C1orf105: variants seen among roughly 807,000 people sequenced by gnomAD.
The protein encoded by C1orf105 is chromosome 1 open reading frame 105.
In C1orf105, 17 loss-of-function variants were observed where a neutral mutation model predicts 20.8. That is an observed-to-expected ratio of 0.82 (90% CI 0.56 to 1.23). C1orf105 has a LOEUF of 1.23. Ranked by LOEUF, C1orf105 falls within the 50% of genes most tolerant of loss-of-function variation. C1orf105 has a pLI of 0.00. For missense variants in C1orf105, 219 were observed against 213.5 expected (o/e 1.03, Z -0.16); for synonymous variants, 72 against 72.1 (o/e 1.00, Z 0.01).
intron 4 of C1orf105, among the ~76,000 whole-genome samples, chr1:172,458,952 T>C (rs1649502198): frequency 6.6e-6 from 1 of 152,172 alleles, no homozygotes; most frequent in Non-Finnish European, 1.5e-5. Flanking sequence ...GAAAGAATAG[T>C]ATTTTCAATA....
intron 5 of C1orf105, among the ~76,000 whole-genome samples, chr1:172,464,681 C>A (rs1479477589): frequency 6.6e-6 from 1 of 150,434 alleles, no homozygotes; most frequent in South Asian, 2.1e-4. Flanking sequence ...GAACTCTTTC[C>A]TTTATTCCTC....
Position 172,448,531 on chromosome 1 carries a change from G to T in C1orf105, c.198G>T (p.Lys66Asn). 1.3e-6 allele frequency: 2 copies of T among 1,594,464 alleles called. No homozygotes were observed. Among genetic ancestry groups the T allele is most frequent in the Middle Eastern group, 3.3e-4 (2 of 6,032 alleles). ...ILFQVPDVLS[K>N]ARRNQCDSML... ...TTCAAGTTCCAGATGTTTTATCTAA[G>T]GTACTAAAAAATTTTTGTTGAAATG... The change falls in exon 3 of 7, where the codon AAG becomes AAT. Residue 66 changes from lysine to asparagine, a missense_variant and splice_region_variant. Physicochemically the swap from Lys to Asn is moderately conservative, Grantham distance 94 (BLOSUM62 0). Coordinates refer to ENST00000367727, the MANE Select transcript of C1orf105 (RefSeq NM_139240.4).
chr1:172,446,115 C>T (rs574209720), intron 2 of C1orf105, among the ~76,000 whole-genome samples: 54 of 152,128 alleles, frequency 3.5e-4, no homozygotes, highest in South Asian at 6.2e-4. Context: ...AATAGGTAGA[C>T]GGTTTTAGTA....
chr1:172,428,439 C>T (rs1414706620), intron 1 of C1orf105, among the ~76,000 whole-genome samples: 1 of 152,124 alleles, frequency 6.6e-6, no homozygotes, highest in Non-Finnish European at 1.5e-5. Context: ...CCCACGTTAC[C>T]TCTACGACTT....
At chr1:172,432,036 G>A (rs2071889691) in intron 1 of C1orf105, among the ~76,000 whole-genome samples, 1 of 152,230 alleles carries the variant, frequency 6.6e-6, no homozygotes, top group Admixed American at 6.5e-5. Flanking sequence ...CTGGCTGGGG[G>A]AGGGGCGTCC....
chr1:172,422,943 G>A (rs970718240), intron 1 of C1orf105, among the ~76,000 whole-genome samples: 34 of 152,218 alleles, frequency 2.2e-4, no homozygotes, highest in African/African-American at 7.7e-4. Context: ...TCAGTGGTTC[G>A]GGTGCCAGGT....
In C1orf105 at chr1:172,424,229, G is replaced by A. The variant is rs375670854; in HGVS notation, c.21+3323G>A. Among the ~76,000 whole-genome samples, 12 of 152,306 alleles carry A rather than the reference G, an allele frequency of 7.9e-5. No homozygotes were observed. The East Asian group carries it at 1.9e-3, about 24-fold the overall frequency. ...ATAATAAAGAAAGCCTAAGCAAGCCGCAGAAGACCAAAGAGACTTAAGGAT... is the reference window on the plus strand; with the variant it reads ...ATAATAAAGAAAGCCTAAGCAAGCCACAGAAGACCAAAGAGACTTAAGGAT... On this transcript the variant is annotated intron_variant, in intron 1 of 6. Coordinates refer to ENST00000367727, the MANE Select transcript of C1orf105 (RefSeq NM_139240.4).
chr1:172,424,857 TAA>T (rs950977042), intron 1 of C1orf105, among the ~76,000 whole-genome samples: 3 of 152,082 alleles, frequency 2.0e-5, no homozygotes, highest in Non-Finnish European at 2.9e-5. Flanking sequence ...TTTTGCAACT[TAA>T]AAAGAGTGTG....
In C1orf105 at chr1:172,456,428, AGT is replaced by A. The variant is rs1649257491; in HGVS notation, c.216_217del (p.Cys72Ter). The A allele has an allele frequency of 6.2e-7, 1 of 1,613,146 alleles. No individual in the cohort carries two copies. On this transcript the variant is annotated frameshift_variant, in exon 4 of 7. Transcript: ENST00000367727. LOFTEE classifies it high-confidence loss of function. The stretch of plus-strand genomic sequence containing the variant: ...CTTTCCCCTCAGGCCAGGAGGAACC[AGT>A]GTGACTCCATGCTGCTCAGAAACCA...
chr1:172,446,988 A>C (rs1648087561), intron 2 of C1orf105, among the ~76,000 whole-genome samples: 1 of 152,180 alleles, frequency 6.6e-6, no homozygotes, highest in Admixed American at 6.5e-5. Flanking sequence ...CCTCACAACA[A>C]AGGTGACCGA....
chr1:172,456,641 G>C lies in C1orf105; in HGVS notation c.273+152G>C, dbSNP rs1649282122. ...CAAGGAGGAACTGTTGGTCCTGGGA[G>C]CAGCATCGACTGACAGAACATGATA... On this transcript the variant is annotated intron_variant, in intron 4 of 6. Transcript: ENST00000367727. The C allele has an allele frequency of 1.6e-5, 11 of 675,102 alleles. No homozygotes were observed. The Admixed American group carries it at 2.9e-4, about 18-fold the overall frequency. The allele number at this position is 675,102 out of a possible 1,614,324, so 41.8% of individuals were successfully genotyped here. A position where few individuals can be genotyped will look rare whatever the true frequency, so the allele number is the denominator to read the frequency against.
chr1:172,432,446 C>A (rs565908238), intron 1 of C1orf105, among the ~76,000 whole-genome samples: 2 of 152,302 alleles, frequency 1.3e-5, no homozygotes, highest in Admixed American at 1.3e-4. Context: ...TGTTCTGCAG[C>A]CTCCGCTGGT....
chr1:172,428,799 T>C (rs2071787977), intron 1 of C1orf105: 2 of 699,390 alleles, frequency 2.9e-6, no homozygotes, highest in Non-Finnish European at 5.2e-6. Context: ...TACAGATATA[T>C]TCCAAGCACA....
chr1:172,466,297 C>T (rs994008084), intron 6 of C1orf105, among the ~76,000 whole-genome samples: 1 of 152,044 alleles, frequency 6.6e-6, no homozygotes, highest in Admixed American at 6.6e-5. Flanking sequence ...CCTAATGAAT[C>T]GCTTCTTATG....
At chr1:172,431,610 C>A (rs1018985367) in intron 1 of C1orf105, among the ~76,000 whole-genome samples, 5 of 152,348 alleles carry the variant, frequency 3.3e-5, no homozygotes, top group Non-Finnish European at 7.3e-5. Flanking sequence ...AACATTGATG[C>A]AGGCTTCCAT....
rs187386101 is a variant in C1orf105 at position 172,435,530 on chromosome 1, T to C, written c.22-9543T>C. Among the ~76,000 whole-genome samples the C allele has an allele frequency of 3.5e-3, 528 of 152,314 alleles. 2 individuals are homozygous for C. Among genetic ancestry groups the C allele is most frequent in the African/African-American group, 0.012 (496 of 41,564 alleles). On this transcript the variant is annotated intron_variant, in intron 1 of 6. Coordinates refer to ENST00000367727, the MANE Select transcript of C1orf105 (RefSeq NM_139240.4). ...TCTCAATAAATGCAGAAAAGGTCTTTGACAAAATTCAACAGCCCTTCATGC... is the reference window on the plus strand; with the variant it reads ...TCTCAATAAATGCAGAAAAGGTCTTCGACAAAATTCAACAGCCCTTCATGC...
chr1:172,430,903 TC>T, intron 1 of C1orf105, among the ~76,000 whole-genome samples: 1 of 152,354 alleles, frequency 6.6e-6, no homozygotes, highest in Non-Finnish European at 1.5e-5. Flanking sequence ...GTTATGCTGA[TC>T]TGTGATCAGT....
intron 1 of C1orf105, among the ~76,000 whole-genome samples, chr1:172,433,538 C>T (rs763548912): frequency 2.0e-5 from 3 of 152,140 alleles, no homozygotes; most frequent in Admixed American, 6.6e-5. Flanking sequence ...AAATCCTTTA[C>T]GGACAAACAA....
At chr1:172,466,379 T>G (rs1020382957) in intron 6 of C1orf105, among the ~76,000 whole-genome samples, 8 of 151,992 alleles carry the variant, frequency 5.3e-5, no homozygotes, top group African/African-American at 1.9e-4. Flanking sequence ...GAGCTAAGAG[T>G]ACCTACCCAA....
Sources: allele counts gnomAD v4.1 joint callset (sites outside exome capture counted in the v4.1 genomes callset), GRCh38; gene constraint gnomAD v4.1.1; transcripts MANE v1.5; gene names NCBI Gene and HGNC (gene_info 2026-07-23, HGNC 2026-07-21).